SLC7A5: variants seen among roughly 807,000 people sequenced by gnomAD.
SLC7A5 encodes large neutral amino acids transporter small subunit 1.
A neutral mutation model predicts 50.2 loss-of-function variants in SLC7A5; 23 were observed. That is an observed-to-expected ratio of 0.46 (90% CI 0.33 to 0.65). The LOEUF (loss-of-function observed/expected upper bound fraction) is 0.65, where lower values mean the gene tolerates loss of function less well. Ranked by LOEUF, SLC7A5 falls within the 30% of genes least tolerant of loss-of-function variation. The pLI, the probability that SLC7A5 is intolerant of heterozygous loss-of-function variation, is 0.02. For synonymous variants in SLC7A5, 393 were observed against 330.6 expected, an observed-to-expected ratio of 1.19 and a Z score of -2.05; for missense variants, 578 against 684.4, an observed-to-expected ratio of 0.84 and a Z score of 1.73.
intron 1 of SLC7A5, among the ~76,000 whole-genome samples, chr16:87,858,118 G>C (rs189031636): frequency 1.1e-3 from 168 of 152,250 alleles, no homozygotes; most frequent in African/African-American, 3.7e-3. Flanking sequence ...AAGGGCCACC[G>C]CTCCCTCTGA....
chr16:87,849,706 C>T (rs1179320322), intron 2 of SLC7A5, among the ~76,000 whole-genome samples: 1 of 152,114 alleles, frequency 6.6e-6, no homozygotes, highest in Non-Finnish European at 1.5e-5. Flanking sequence ...GGAATGAGCT[C>T]GTCTTGCCTT....
chr16:87,837,751 C>G, intron 7 of SLC7A5, 94 bp downstream of exon 7: 2 of 1,029,648 alleles, frequency 1.9e-6, no homozygotes, highest in Non-Finnish European at 2.9e-6. Context: ...CCAGTCCACA[C>G]CCCAGACAGA....
intron 2 of SLC7A5, among the ~76,000 whole-genome samples, chr16:87,850,047 G>A (rs1387224899): frequency 2.0e-5 from 3 of 152,218 alleles, no homozygotes; most frequent in Non-Finnish European, 2.9e-5. Context: ...AGTATAGCCC[G>A]GCACTGCATC....
At chr16:87,837,115 C>A (rs2055016799) in intron 7 of SLC7A5, among the ~76,000 whole-genome samples, 2 of 152,378 alleles carry the variant, frequency 1.3e-5, no homozygotes, top group South Asian at 4.1e-4. Flanking sequence ...CCCTTCCTGA[C>A]TGGCTTCTAA....
rs33952216 is a variant in SLC7A5 at position 87,839,584 on chromosome 16, G to A, written c.939+118C>T. 3.2e-3 allele frequency: 4,708 copies of A among 1,469,196 alleles called. 157 individuals are homozygous for A. In the African/African-American group the frequency reaches 0.056, roughly 17 times the overall value. The allele number at this position is 1,469,196 out of a possible 1,614,324, so 91.0% of individuals were successfully genotyped here. Reference sequence around the variant, plus strand: ...CTCCGGGTAGGGGAGGCTTAGAGACGCGGGGCCCCCTCTGCGTAGGGGAGG... The same window carrying A: ...CTCCGGGTAGGGGAGGCTTAGAGACACGGGGCCCCCTCTGCGTAGGGGAGG... On this transcript the variant is annotated intron_variant, in intron 5 of 9. Coordinates refer to ENST00000261622, the MANE Select transcript of SLC7A5 (RefSeq NM_003486.7).
At position 87,847,587 on chromosome 16, in the gene SLC7A5, G is replaced by A. The variant is rs146448025; in HGVS notation, c.664+4137C>T. Among the ~76,000 whole-genome samples the A allele has an allele frequency of 2.4e-3, 364 of 152,268 alleles. 1 individual carries two copies. Among genetic ancestry groups the A allele is most frequent in the Non-Finnish European group, 3.6e-3 (244 of 68,018 alleles). ...AGGAACTGTCCCGTCAGCTTTTCCC[G>A]TAACACATGACACCCCACGTGAACC... On this transcript the variant is annotated intron_variant, in intron 2 of 9. Transcript: ENST00000261622.
intron 7 of SLC7A5, among the ~76,000 whole-genome samples, chr16:87,837,003 C>G (rs1277053338): frequency 6.6e-6 from 1 of 152,216 alleles, no homozygotes; most frequent in Admixed American, 6.5e-5. Context: ...AGGGCCACAA[C>G]CTGACCTAAC....
chr16:87,834,844 C>T (rs1001072684), intron 8 of SLC7A5, among the ~76,000 whole-genome samples: 2 of 152,220 alleles, frequency 1.3e-5, no homozygotes, highest in South Asian at 2.1e-4. Context: ...CTTCGTCTCC[C>T]GAGGCCTCCC....
chr16:87,848,912 A>G (rs2143773085), intron 2 of SLC7A5, among the ~76,000 whole-genome samples: 1 of 70,562 alleles, frequency 1.4e-5, no homozygotes, highest in East Asian at 2.5e-4. Context: ...ACGAGGAGGA[A>G]ACAGGTCAGC....
chr16:87,834,323 C>T, intron 9 of SLC7A5, 91 bp downstream of exon 9: 1 of 1,300,704 alleles, frequency 7.7e-7, no homozygotes, highest in Admixed American at 2.0e-5. Context: ...CACGCTTCGC[C>T]CCATGTGGGT....
At chr16:87,865,251 A>AG (rs1473494650) in intron 1 of SLC7A5, among the ~76,000 whole-genome samples, 2 of 152,106 alleles carry the variant, frequency 1.3e-5, no homozygotes, top group Non-Finnish European at 2.9e-5. Flanking sequence ...GGTGGGTCAG[A>AG]GAAAAAAAAC....
chr16:87,844,493 CG>C (rs2055124478), intron 2 of SLC7A5, among the ~76,000 whole-genome samples: 1 of 152,202 alleles, frequency 6.6e-6, no homozygotes. Context: ...ATCCTGCTGA[CG>C]GGGCCCAGGG....
chr16:87,863,990 T>A (rs781176888), intron 1 of SLC7A5, among the ~76,000 whole-genome samples: 15 of 124,612 alleles, frequency 1.2e-4, no homozygotes, highest in African/African-American at 3.8e-4. Context: ...TTTAAAAATA[T>A]ATATATATAT....
At chr16:87,865,663 T>C (rs142685852) in intron 1 of SLC7A5, among the ~76,000 whole-genome samples, 21,269 of 152,078 alleles carry the variant, frequency 0.14, 1,751 homozygotes, top group African/African-American at 0.21. Context: ...GCCAAGATCG[T>C]GCCATTGTAC....
rs542294995 is a variant in SLC7A5 at position 87,861,159 on chromosome 16, C to G, written c.538+7726G>C. Among the ~76,000 whole-genome samples, 133 of 152,330 alleles carry G rather than the reference C, an allele frequency of 8.7e-4. No homozygotes were observed. The highest frequency in any genetic ancestry group is 3.2e-3 in the African/African-American group (132 of 41,568). On this transcript the variant is annotated intron_variant, in intron 1 of 9. Transcript: ENST00000261622. This position sits in a 1 kb window ranked among gnomAD's most constrained non-coding sequence, Gnocchi z 4.2. ...CGGGCCAGGCAAGGCCTGCCCATGG[C>G]CAGCTATCCAGGTGATGCTCCAGGG...
intron 1 of SLC7A5, among the ~76,000 whole-genome samples, chr16:87,855,823 C>CA (rs1326795481): frequency 3.9e-5 from 6 of 152,144 alleles, no homozygotes; most frequent in African/African-American, 1.4e-4. Flanking sequence ...CCCATGAACC[C>CA]ACCCCACACG....
Position 87,837,892 on chromosome 16 carries a change from T to A in SLC7A5, c.1093A>T (p.Met365Leu). ...REGHLPSILS[M>L]IHPQLLTPVP... ...GGGGTGAGGAGCTGTGGGTGGATCATGGAGAGGATGGAGGGCAGGTGGCCT... is the reference window on the plus strand; with the variant it reads ...GGGGTGAGGAGCTGTGGGTGGATCAAGGAGAGGATGGAGGGCAGGTGGCCT... The change falls in exon 7 of 10, where the codon ATG (methionine) becomes TTG (leucine). Residue 365 changes from methionine (M) to leucine (L), a missense_variant. By Grantham distance (15) the Met-to-Leu change is conservative. Around this residue, in one of 2 missense-constraint regions of SLC7A5, gnomAD observed 465 missense variants for 594.6 expected, o/e 0.78. Transcript: ENST00000261622. 6.2e-7 allele frequency: 1 copy of A among 1,608,326 alleles called. No homozygotes were observed. The highest frequency in any genetic ancestry group is 8.5e-7 in the Non-Finnish European group (1 of 1,178,422).
intron 1 of SLC7A5, among the ~76,000 whole-genome samples, chr16:87,868,593 G>C (rs35866204): frequency 0.37 from 55,589 of 152,028 alleles, 11,038 homozygotes; most frequent in African/African-American, 0.52. Context: ...CAACGGGAGG[G>C]TGGCACTTGC....
intron 2 of SLC7A5, 104 bp downstream of exon 2, chr16:87,851,620 A>G: frequency 7.2e-7 from 1 of 1,392,944 alleles, no homozygotes; most frequent in Non-Finnish European, 9.9e-7. Flanking sequence ...AGCACTGCAG[A>G]GCTGCGGACT....
Sources: allele counts gnomAD v4.1 joint callset (sites outside exome capture counted in the v4.1 genomes callset), GRCh38; gene constraint gnomAD v4.1.1; regional missense constraint gnomAD v4.1.1; non-coding constraint Gnocchi (gnomAD v3.1); transcripts MANE v1.5; gene names NCBI Gene and HGNC (gene_info 2026-07-23, HGNC 2026-07-21).